Variants in NAV2 observed in about 807,000 individuals in gnomAD.
The protein encoded by NAV2 is neuron navigator 2.
In NAV2, 54 loss-of-function variants were observed where a neutral mutation model predicts 223.2. That is an observed-to-expected ratio of 0.24 (90% CI 0.19 to 0.30). The LOEUF is 0.30. NAV2 is among the 10% of genes least tolerant of loss of function. The pLI, the probability that NAV2 is intolerant of heterozygous loss-of-function variation, is 1.00. For missense variants in NAV2, 2,806 were observed against 3,147.5 expected (o/e 0.89, Z 2.60); for synonymous variants, 1,279 against 1,239.3 (o/e 1.03, Z -0.67).
intron 1 of NAV2, among the ~76,000 whole-genome samples, chr11:19,508,573 C>T (rs148069150): frequency 6.6e-6 from 1 of 152,262 alleles, no homozygotes; most frequent in Non-Finnish European, 1.5e-5. Flanking sequence ...TTCATACCTG[C>T]ATGTAAATGT....
rs114123757 is a variant in NAV2 at position 19,425,037 on chromosome 11, T to A, written c.75+74010T>A. Among the ~76,000 whole-genome samples the A allele has an allele frequency of 5.4e-3, 830 of 152,302 alleles. 7 individuals are homozygous for A. The highest frequency in any genetic ancestry group is 0.019 in the African/African-American group (797 of 41,542). On this transcript the variant is annotated intron_variant, in intron 1 of 37. Transcript: ENST00000360655. Reference sequence around the variant, plus strand: ...TGGGCATATACTATGCTTGAGGCATTTTACTAAGCATTATTTAGTACACAT... The same window carrying A: ...TGGGCATATACTATGCTTGAGGCATATTACTAAGCATTATTTAGTACACAT...
Position 19,933,667 on chromosome 11 carries a change from C to G in NAV2, c.1423C>G (p.Leu475Val). 1 of 1,614,164 alleles carries G rather than the reference C, an allele frequency of 6.2e-7. No homozygotes were observed. Among genetic ancestry groups the G allele is most frequent in the Non-Finnish European group, 8.5e-7 (1 of 1,180,042 alleles). ...GIAQRTFSRA[L>V]TNKKSSLKGN... Reference sequence around the variant, plus strand: ...TGCCCAGAGGACTTTTAGCCGGGCACTGACCAACAAGAAGAGTTCTCTGAA... The same window carrying G: ...TGCCCAGAGGACTTTTAGCCGGGCAGTGACCAACAAGAAGAGTTCTCTGAA... Residue 475 changes from leucine to valine, a missense_variant, in exon 7 of 38, where the codon CTG becomes GTG. This residue lies in a region of NAV2 where 1,167 missense variants were observed against 1,180.5 expected (regional missense o/e 0.99). Transcript: ENST00000349880. The surrounding 1 kb of genome is among the most constrained non-coding windows in gnomAD (Gnocchi z 4.3).
At chr11:20,005,673 C>T (rs189225743) in intron 11 of NAV2, among the ~76,000 whole-genome samples, 1 of 152,200 alleles carries the variant, frequency 6.6e-6, no homozygotes, top group East Asian at 1.9e-4. Context: ...CTTCATTGTG[C>T]CAGGCAGTGA....
intron 11 of NAV2, among the ~76,000 whole-genome samples, chr11:20,018,415 G>A (rs1050053566): frequency 1.3e-4 from 20 of 151,202 alleles, no homozygotes; most frequent in South Asian, 2.1e-4. Flanking sequence ...AAGCAGCTGC[G>A]CTTAACCTGG....
chr11:19,768,889 T>C (rs577689780), intron 1 of NAV2, among the ~76,000 whole-genome samples: 1 of 152,342 alleles, frequency 6.6e-6, no homozygotes, highest in Non-Finnish European at 1.5e-5. Context: ...CTAGGACTTT[T>C]GCTAATAATA....
chr11:19,772,796 T>C (rs975794341), intron 1 of NAV2, among the ~76,000 whole-genome samples: 2 of 152,188 alleles, frequency 1.3e-5, no homozygotes, highest in South Asian at 2.1e-4. Context: ...TTGTCTGAAG[T>C]TCCCCTGGCC....
At chr11:19,462,624 A>C (rs1390818504) in intron 1 of NAV2, among the ~76,000 whole-genome samples, 1 of 152,220 alleles carries the variant, frequency 6.6e-6, no homozygotes, top group African/African-American at 2.4e-5. Context: ...GAAGCACTGG[A>C]GCTTACAAGG....
At chr11:19,397,780 T>G (rs1266883889) in intron 1 of NAV2, among the ~76,000 whole-genome samples, 1 of 152,080 alleles carries the variant, frequency 6.6e-6, no homozygotes, top group East Asian at 1.9e-4. Context: ...GTGAGGTACG[T>G]CTCCCCTCTG....
intron 1 of NAV2, among the ~76,000 whole-genome samples, chr11:19,660,820 C>T (rs548132458): frequency 9.2e-5 from 14 of 152,276 alleles, no homozygotes; most frequent in African/African-American, 2.9e-4. Context: ...GAGAGTTGTC[C>T]TTCTAACTAT....
chr11:19,692,380 G>A (rs1320147618), intron 1 of NAV2, among the ~76,000 whole-genome samples: 1 of 152,220 alleles, frequency 6.6e-6, no homozygotes, highest in Non-Finnish European at 1.5e-5. Context: ...GTTTTTGCTT[G>A]CTTGTGTCTG....
chr11:19,700,496 C>T (rs2049479620), intron 1 of NAV2, among the ~76,000 whole-genome samples: 1 of 152,176 alleles, frequency 6.6e-6, no homozygotes, highest in African/African-American at 2.4e-5. Context: ...ATCACACAAC[C>T]AATTAAGCGC....
At chr11:19,375,869 A>C (rs1421479082) in intron 1 of NAV2, among the ~76,000 whole-genome samples, 1 of 152,180 alleles carries the variant, frequency 6.6e-6, no homozygotes, top group Non-Finnish European at 1.5e-5. Flanking sequence ...TAGCCTTTCC[A>C]CACAAGATTC....
chr11:20,105,402 G>T, intron 34 of NAV2, 129 bp from the exon 35 acceptor site: 1 of 687,196 alleles, frequency 1.5e-6, no homozygotes, highest in Non-Finnish European at 2.5e-6. Flanking sequence ...AAGAGTGTTC[G>T]GTGCATAGCT....
At chr11:19,688,976 G>A (rs2049095533) in intron 1 of NAV2, among the ~76,000 whole-genome samples, 1 of 152,136 alleles carries the variant, frequency 6.6e-6, no homozygotes, top group African/African-American at 2.4e-5. Context: ...TTTTTTCAGA[G>A]AGTAGAGGAG....
chr11:19,777,113 C>T (rs1466084450), intron 1 of NAV2, among the ~76,000 whole-genome samples: 6 of 151,390 alleles, frequency 4.0e-5, no homozygotes, highest in African/African-American at 1.5e-4. Flanking sequence ...CCACCCCGCC[C>T]TCGGCCGCCG....
At chr11:20,089,280 C>T (rs1366426718) in intron 26 of NAV2, among the ~76,000 whole-genome samples, 1 of 152,022 alleles carries the variant, frequency 6.6e-6, no homozygotes, top group Non-Finnish European at 1.5e-5. Context: ...GTGGTTTTAC[C>T]GTGTCTCTCA....
In NAV2 at chr11:19,995,126, G is replaced by A. The variant is rs114435184; in HGVS notation, c.2768+10879G>A. Reference sequence around the variant, plus strand: ...CTCTGCCACTAGTGAATTACCTTGGGCAAGATGCTTCCCCTCTCTGCACCT... The same window carrying A: ...CTCTGCCACTAGTGAATTACCTTGGACAAGATGCTTCCCCTCTCTGCACCT... On this transcript the variant is annotated intron_variant, in intron 11 of 37. Transcript: ENST00000349880. Among the ~76,000 whole-genome samples the A allele has an allele frequency of 4.4e-3, 677 of 152,308 alleles. 3 individuals are homozygous for A. Among genetic ancestry groups the A allele is most frequent in the Middle Eastern group, 0.017 (5 of 294 alleles).
At chr11:20,014,650 C>G (rs2053851604) in intron 11 of NAV2, among the ~76,000 whole-genome samples, 2 of 152,264 alleles carry the variant, frequency 1.3e-5, no homozygotes, top group African/African-American at 4.8e-5. Context: ...GCCTGTATTC[C>G]CAGCCCTTTC....
intron 6 of NAV2, among the ~76,000 whole-genome samples, chr11:19,902,024 CTT>C (rs1235371715): frequency 1.3e-5 from 2 of 152,148 alleles, no homozygotes; most frequent in Non-Finnish European, 2.9e-5. Context: ...TCTTTTAGCT[CTT>C]TGTCTCCTTG....
Sources: gnomAD v4.1 joint callset for allele counts (sites outside exome capture counted in the v4.1 genomes callset) on GRCh38, gnomAD v4.1.1 for gene constraint, gnomAD v4.1.1 regional missense constraint, Gnocchi (gnomAD v3.1) non-coding constraint, MANE v1.5 for transcripts, NCBI Gene and HGNC (gene_info 2026-07-23, HGNC 2026-07-21) for gene names.